The following VMAC variants were observed in gnomAD, a reference collection of about 807,000 sequenced individuals.
VMAC encodes the protein vimentin-type intermediate filament-associated coiled-coil protein.
Under a neutral mutation model 4.8 loss-of-function variants are expected in VMAC, and 8 were observed. The observed-to-expected ratio is 1.68, with a 90% confidence interval of 0.99 to 3.03. The LOEUF is 3.03. Ranked by LOEUF, VMAC falls within the 30% of genes most tolerant of loss-of-function variation. The pLI is 0.00. For missense variants in VMAC, 248 were observed against 245.1 expected, an observed-to-expected ratio of 1.01 and a Z score of -0.08; for synonymous variants, 96 against 113.7, an observed-to-expected ratio of 0.84 and a Z score of 0.99.
Position 5,909,707 on chromosome 19 carries a change from C to G in VMAC, c.*565C>G, listed in dbSNP as rs2057691312. ...GTTTCACCATGTTGACCAGGCTGGT[C>G]TCAAACTCCTGACCTTAGGTGATCC... On this transcript the variant is annotated 3_prime_UTR_variant, in exon 2 of 2. Transcript: ENST00000339485. 1 of 153,238 alleles carries G rather than the reference C, an allele frequency of 6.5e-6. No individual in the cohort carries two copies. The highest frequency in any genetic ancestry group is 1.5e-5 in the Non-Finnish European group (1 of 68,896). 9.5% of individuals were successfully genotyped at this position (153,238 alleles called of 1,614,324 possible).
chr19:5,909,008 C>A lies in VMAC; in HGVS notation c.376C>A (p.Arg126Ser), dbSNP rs1443275616. 5 of 1,597,184 alleles carry A rather than the reference C, an allele frequency of 3.1e-6. No individual in the cohort carries two copies. The highest frequency in any genetic ancestry group is 4.3e-6 in the Non-Finnish European group (5 of 1,172,518). Residue 126 changes from arginine to serine, a missense_variant, in exon 2 of 2, where the codon CGC (arginine) becomes AGC (serine). Transcript: ENST00000339485. The part of the protein sequence containing the change: ...GLLDALAEAE[R>S]LGPLPASDPG... Reference sequence around the variant, plus strand: ...GCTGGATGCCCTGGCTGAGGCTGAGCGCCTGGGGCCCCTGCCGGCCAGTGA... The same window carrying A: ...GCTGGATGCCCTGGCTGAGGCTGAGAGCCTGGGGCCCCTGCCGGCCAGTGA...
In VMAC at chr19:5,910,675, A is replaced by AAACAACAACAACAAC. The variant is rs57251248; in HGVS notation, c.*1557_*1571dup. ...ACAGAGTGAGACTCAGTCTCAAAGA[A>AAACAACAACAACAAC]AACAACAACAACAACAACAACAACA... On this transcript the variant is annotated 3_prime_UTR_variant, in exon 2 of 2. Coordinates refer to ENST00000339485, the MANE Select transcript of VMAC (RefSeq NM_001017921.4). 2.3e-4 allele frequency: 34 copies of AAACAACAACAACAAC among 147,210 alleles called. No homozygotes were observed. Among genetic ancestry groups the AAACAACAACAACAAC allele is most frequent in the African/African-American group, 5.5e-4 (22 of 39,766 alleles). 9.1% of individuals were successfully genotyped at this position (147,210 alleles called of 1,614,324 possible). A position where few individuals can be genotyped will look rare whatever the true frequency, so the allele number is the denominator to read the frequency against.
At position 5,909,482 on chromosome 19, in the gene VMAC, T is replaced by G; in HGVS notation, c.*340T>G. 1 of 181,366 alleles carries G rather than the reference T, an allele frequency of 5.5e-6. No homozygotes were observed. The allele number at this position is 181,366 out of a possible 1,614,324, so 11.2% of individuals were successfully genotyped here. A position where few individuals can be genotyped will look rare whatever the true frequency, so the allele number is the denominator to read the frequency against. ...TAGCCAGGGTGTGAGTTTCTGTTTT[T>G]TGTTTTTTTTTTTTTAAGACAGAGT... On this transcript the variant is annotated 3_prime_UTR_variant, in exon 2 of 2. Coordinates refer to ENST00000339485, the MANE Select transcript of VMAC (RefSeq NM_001017921.4).
chr19:5,907,511 G>A (rs916734923), intron 1 of VMAC, among the ~76,000 whole-genome samples: 3 of 149,624 alleles, frequency 2.0e-5, no homozygotes, highest in East Asian at 3.9e-4. Context: ...AATGGCTCAC[G>A]CCTATACTCT....
chr19:5,908,569 T>C lies in VMAC; in HGVS notation c.192-255T>C, dbSNP rs867853214. Among the ~76,000 whole-genome samples the C allele has an allele frequency of 1.9e-4, 28 of 150,400 alleles. No individual in the cohort carries two copies. Among genetic ancestry groups the C allele is most frequent in the African/African-American group, 6.9e-4 (28 of 40,772 alleles). ...AGCCGGAAGTTGCAGTGAGCTGAGATTGCACCATTGCACTCCAGCCTGGGC... is the reference window on the plus strand; with the variant it reads ...AGCCGGAAGTTGCAGTGAGCTGAGACTGCACCATTGCACTCCAGCCTGGGC... On this transcript the variant is annotated intron_variant, in intron 1 of 1. Coordinates refer to ENST00000339485, the MANE Select transcript of VMAC (RefSeq NM_001017921.4). The surrounding 1 kb of genome is among the most constrained non-coding windows in gnomAD (Gnocchi z 4.5).
chr19:5,909,238 C>T lies in VMAC; in HGVS notation c.*96C>T. The T allele has an allele frequency of 7.3e-7, 1 of 1,362,326 alleles. No homozygotes were observed. The highest frequency in any genetic ancestry group is 9.8e-7 in the Non-Finnish European group (1 of 1,017,648). 84.4% of individuals were successfully genotyped at this position (1,362,326 alleles called of 1,614,324 possible). ...CCTGCAGGGGGACCCTACGGCAGAG[C>T]CAAAGTCCTGTCTAAGCATCAGAAC... On this transcript the variant is annotated 3_prime_UTR_variant, in exon 2 of 2. Coordinates refer to ENST00000339485, the MANE Select transcript of VMAC (RefSeq NM_001017921.4).
chr19:5,909,315 G>A lies in VMAC; in HGVS notation c.*173G>A, dbSNP rs534462233. ...ATAGGCCCACAGGCCAGGTGCAGAC[G>A]TTTAACCCAGACAGAAGTGTTCTTG... On this transcript the variant is annotated 3_prime_UTR_variant, in exon 2 of 2. Transcript: ENST00000339485. 288 of 623,088 alleles carry A rather than the reference G, an allele frequency of 4.6e-4. No homozygotes were observed. Among genetic ancestry groups the A allele is most frequent in the Non-Finnish European group, 6.1e-4 (231 of 378,512 alleles). 38.6% of individuals were successfully genotyped at this position (623,088 alleles called of 1,614,324 possible).
chr19:5,909,215 T>G lies in VMAC; in HGVS notation c.*73T>G, dbSNP rs1221312431. The G allele has an allele frequency of 6.1e-6, 9 of 1,470,034 alleles. No homozygotes were observed. In the East Asian group the frequency reaches 2.0e-4, roughly 32 times the overall value. 91.1% of individuals were successfully genotyped at this position (1,470,034 alleles called of 1,614,324 possible). A position where few individuals can be genotyped will look rare whatever the true frequency, so the allele number is the denominator to read the frequency against. ...GTGTCCTTGGGAGTCACCAGCACCC[T>G]GCAGGGGGACCCTACGGCAGAGCCA... On this transcript the variant is annotated 3_prime_UTR_variant, in exon 2 of 2. Transcript: ENST00000339485.
rs781119838 is a variant in VMAC at position 5,909,100 on chromosome 19, C to G, written c.468C>G (p.Asp156Glu). The change falls in exon 2 of 2, where the codon GAC (aspartate) becomes GAG (glutamate). Residue 156 changes from aspartate (D) to glutamate (E), a missense_variant. Asp to Glu is a conservative substitution (Grantham distance 45). Transcript: ENST00000339485. ...ACAACAGCACTGGGGAAGAGGCGGA[C>G]AGGGACCACCTCCAGCCTGCAGTGT... ...PLDNSTGEEA[D>E]RDHLQPAVFG... 2.3e-5 allele frequency: 36 copies of G among 1,554,234 alleles called. No individual in the cohort carries two copies. Among genetic ancestry groups the G allele is most frequent in the Non-Finnish European group, 2.9e-5 (33 of 1,155,092 alleles).
chr19:5,909,384 G>T lies in VMAC; in HGVS notation c.*242G>T, dbSNP rs889004684. 2.1e-6 allele frequency: 1 copy of T among 482,480 alleles called. No homozygotes were observed. Among genetic ancestry groups the T allele is most frequent in the Non-Finnish European group, 3.6e-6 (1 of 278,730 alleles). The allele number at this position is 482,480 out of a possible 1,614,324, so 29.9% of individuals were successfully genotyped here. On this transcript the variant is annotated 3_prime_UTR_variant, in exon 2 of 2. Coordinates refer to ENST00000339485, the MANE Select transcript of VMAC (RefSeq NM_001017921.4). ...ATCAGTCACCCTTGCTAAAAACCTG[G>T]CAATGCAAACACAAAGATCTGGATT...
chr19:5,909,049 C>T lies in VMAC; in HGVS notation c.417C>T (p.Pro139=), dbSNP rs575067831. ...CGGCCAGTGACCCCGGCCACCCACC[C>T]CCCGGTGGGCCTGGTCCACCCCTTG... ...PLPASDPGHP[P]PGGPGPPLDN... The change falls in exon 2 of 2, where the codon CCC becomes CCT. Residue 139 remains proline, a synonymous_variant. Coordinates refer to ENST00000339485, the MANE Select transcript of VMAC (RefSeq NM_001017921.4). The T allele has an allele frequency of 7.0e-6, 11 of 1,565,764 alleles. No individual in the cohort carries two copies. Among genetic ancestry groups the T allele is most frequent in the Non-Finnish European group, 7.8e-6 (9 of 1,158,090 alleles).
In VMAC at chr19:5,909,285, T is replaced by G; in HGVS notation, c.*143T>G. 1 of 879,048 alleles carries G rather than the reference T, an allele frequency of 1.1e-6. No homozygotes were observed. Among genetic ancestry groups the G allele is most frequent in the Non-Finnish European group, 1.7e-6 (1 of 603,084 alleles). 54.5% of individuals were successfully genotyped at this position (879,048 alleles called of 1,614,324 possible). On this transcript the variant is annotated 3_prime_UTR_variant, in exon 2 of 2. Transcript: ENST00000339485. ...GAACAGGCTGAACAGTCAAAAAGTT[T>G]TCAAATAGGCCCACAGGCCAGGTGC...
chr19:5,907,702 C>T (rs1402028607), intron 1 of VMAC, among the ~76,000 whole-genome samples: 1 of 148,698 alleles, frequency 6.7e-6, no homozygotes, highest in African/African-American at 2.5e-5. Flanking sequence ...GGCAGAATTG[C>T]TTGAACTCGG....
intron 1 of VMAC, among the ~76,000 whole-genome samples, chr19:5,906,871 A>T (rs1034308902): frequency 2.0e-5 from 3 of 151,902 alleles, no homozygotes; most frequent in African/African-American, 7.3e-5. Flanking sequence ...CTAAAAATAC[A>T]AAAAAATTAG....
intron 1 of VMAC, 149 bp downstream of exon 1, chr19:5,905,230 C>T (rs1488481287): frequency 3.3e-6 from 3 of 907,544 alleles, no homozygotes; most frequent in Non-Finnish European, 4.5e-6. Context: ...CCAAAAAACT[C>T]GAATTAGTAA....
At position 5,908,983 on chromosome 19, in the gene VMAC, G is replaced by A. The variant is rs1446831333; in HGVS notation, c.351G>A (p.Leu117=). The A allele has an allele frequency of 1.9e-6, 3 of 1,610,420 alleles. No homozygotes were observed. The highest frequency in any genetic ancestry group is 2.2e-5 in the East Asian group (1 of 44,732). The change falls in exon 2 of 2, where the codon CTG becomes CTA. Residue 117 remains leucine (L), a synonymous_variant. Coordinates refer to ENST00000339485, the MANE Select transcript of VMAC (RefSeq NM_001017921.4). The surrounding 1 kb of genome is among the most constrained non-coding windows in gnomAD (Gnocchi z 4.5). ...ICRRRPPLAG[L]LDALAEAERL... ...GCCGCCGGCCACCCCTGGCTGGGCT[G>A]CTGGATGCCCTGGCTGAGGCTGAGC...
chr19:5,908,975 G>C lies in VMAC; in HGVS notation c.343G>C (p.Ala115Pro). The change falls in exon 2 of 2, where the codon GCT becomes CCT. Residue 115 changes from alanine (A) to proline (P), a missense_variant. Transcript: ENST00000339485. The surrounding 1 kb of genome is among the most constrained non-coding windows in gnomAD (Gnocchi z 4.5). ...QDICRRRPPLAGLLDALAEAE... is the reference protein window; with the variant it reads ...QDICRRRPPLPGLLDALAEAE... ...CATCTGCCGCCGCCGGCCACCCCTG[G>C]CTGGGCTGCTGGATGCCCTGGCTGA... is the stretch of plus-strand genomic sequence containing the variant. The C allele has an allele frequency of 2.5e-6, 4 of 1,611,256 alleles. No homozygotes were observed. The South Asian group carries it at 4.4e-5, about 18-fold the overall frequency.
In VMAC at chr19:5,904,908, C is replaced by T. The variant is rs1350881401; in HGVS notation, c.18C>T (p.Ala6=). Reference sequence around the variant, plus strand: ...CCTGGGCCATGTCGGCGCCGCCGGCCCTGCAGATCCGGGAGGCAAACGCAC... The same window carrying T: ...CCTGGGCCATGTCGGCGCCGCCGGCTCTGCAGATCCGGGAGGCAAACGCAC... MSAPP[A]LQIREANAHL... is the part of the protein sequence containing the mutation. The change falls in exon 1 of 2, where the codon GCC becomes GCT. Residue 6 remains alanine (A), a synonymous_variant. Coordinates refer to ENST00000339485, the MANE Select transcript of VMAC (RefSeq NM_001017921.4). The T allele has an allele frequency of 1.0e-5, 15 of 1,486,048 alleles. No homozygotes were observed. In the African/African-American group the frequency reaches 2.2e-4, roughly 22 times the overall value. The allele number at this position is 1,486,048 out of a possible 1,614,324, so 92.1% of individuals were successfully genotyped here.
Position 5,910,669 on chromosome 19 carries a change from C to G in VMAC, c.*1527C>G, listed in dbSNP as rs2144975047. ...TGGGAGACAGAGTGAGACTCAGTCT[C>G]AAAGAAAACAACAACAACAACAACA... On this transcript the variant is annotated 3_prime_UTR_variant, in exon 2 of 2. Coordinates refer to ENST00000339485, the MANE Select transcript of VMAC (RefSeq NM_001017921.4). 1 of 105,656 alleles carries G rather than the reference C, an allele frequency of 9.5e-6. No homozygotes were observed. The highest frequency in any genetic ancestry group is 2.5e-4 in the East Asian group (1 of 4,064). The allele number at this position is 105,656 out of a possible 1,614,324, so 6.5% of individuals were successfully genotyped here.
Sources: allele counts gnomAD v4.1 joint callset (sites outside exome capture counted in the v4.1 genomes callset), GRCh38; gene constraint gnomAD v4.1.1; non-coding constraint Gnocchi (gnomAD v3.1); transcripts MANE v1.5; gene names NCBI Gene and HGNC (gene_info 2026-07-23, HGNC 2026-07-21).